The following ERI1 variants were observed in gnomAD, a reference collection of about 807,000 sequenced individuals.
ERI1 encodes the protein 3'-5' exoribonuclease 1.
In ERI1, 39 loss-of-function variants were observed where a neutral mutation model predicts 39.7. The observed-to-expected ratio is 0.98, with a 90% CI of 0.76 to 1.28. The LOEUF (loss-of-function observed/expected upper bound fraction) is 1.28, where lower values mean the gene tolerates loss of function less well. Ranked by LOEUF, ERI1 falls within the 50% of genes most tolerant of loss-of-function variation. The probability of loss-of-function intolerance (pLI) is 0.00; values close to 1 mark genes in which losing one functional copy is unlikely to be tolerated. For missense variants in ERI1, 581 were observed against 416.9 expected (o/e 1.39, Z -3.43); for synonymous variants, 204 against 149.6 (o/e 1.36, Z -2.65).
At chr8:9,062,017 T>C (rs905248832) in intron 3 of ERI1, among the ~76,000 whole-genome samples, 1 of 152,036 alleles carries the variant, frequency 6.6e-6, no homozygotes, top group Non-Finnish European at 1.5e-5. Context: ...GGCAAAACAA[T>C]TTGGTTGATA....
chr8:9,080,311 C>T (rs1051312284), intron 3 of ERI1, among the ~76,000 whole-genome samples: 1 of 152,208 alleles, frequency 6.6e-6, no homozygotes, highest in Non-Finnish European at 1.5e-5. Context: ...AGTAGCCTGA[C>T]TAGATGTGCC....
chr8:9,093,821 C>T (rs1468496378), intron 3 of ERI1, among the ~76,000 whole-genome samples: 1 of 152,196 alleles, frequency 6.6e-6, no homozygotes, highest in African/African-American at 2.4e-5. Flanking sequence ...AGACGATCCA[C>T]TCGCCTCGGC....
chr8:9,023,697 A>C (rs922734433), intron 6 of ERI1, among the ~76,000 whole-genome samples: 6 of 123,266 alleles, frequency 4.9e-5, no homozygotes, highest in African/African-American at 1.3e-4. Flanking sequence ...CTAAGACCTA[A>C]ATAAAACTCT....
intron 3 of ERI1, among the ~76,000 whole-genome samples, chr8:9,045,012 C>T (rs933244307): frequency 1.3e-5 from 2 of 151,778 alleles, no homozygotes; most frequent in Admixed American, 6.6e-5. Context: ...CCGAGTCAGG[C>T]GGATCACGAG....
At chr8:9,019,489 C>T (rs1344820082) in intron 5 of ERI1, among the ~76,000 whole-genome samples, 4 of 152,160 alleles carry the variant, frequency 2.6e-5, no homozygotes. Context: ...ATACGCAGTT[C>T]TGGTAAAGTC....
intron 6 of ERI1, among the ~76,000 whole-genome samples, chr8:9,021,565 C>A (rs1293928382): frequency 6.6e-6 from 1 of 152,094 alleles, no homozygotes; most frequent in Non-Finnish European, 1.5e-5. Flanking sequence ...TTGCCGATTG[C>A]TATAAAGCAA....
At chr8:9,057,085 G>C (rs1029338179) in intron 3 of ERI1, among the ~76,000 whole-genome samples, 3 of 151,938 alleles carry the variant, frequency 2.0e-5, no homozygotes, top group Non-Finnish European at 2.9e-5. Context: ...TGCCTGCCTC[G>C]GCCTCCAAAA....
chr8:9,093,150 G>A (rs1799760548), intron 3 of ERI1, among the ~76,000 whole-genome samples: 1 of 152,206 alleles, frequency 6.6e-6, no homozygotes, highest in African/African-American at 2.4e-5. Context: ...AAACACAGCA[G>A]GGGTGACCAA....
intron 3 of ERI1, among the ~76,000 whole-genome samples, chr8:9,047,659 A>G (rs918824328): frequency 2.0e-5 from 3 of 151,878 alleles, no homozygotes; most frequent in East Asian, 1.9e-4. Flanking sequence ...TGATAGCACA[A>G]TTGCACTCCA....
intron 4 of ERI1, among the ~76,000 whole-genome samples, chr8:9,016,991 G>T (rs1291958980): frequency 6.6e-6 from 1 of 151,978 alleles, no homozygotes; most frequent in African/African-American, 2.4e-5. Flanking sequence ...CCAGAGATAA[G>T]TTTTAGAATG....
At chr8:9,019,214 C>T (rs755072264) in intron 5 of ERI1, among the ~76,000 whole-genome samples, 7 of 152,128 alleles carry the variant, frequency 4.6e-5, no homozygotes, top group Non-Finnish European at 8.8e-5. Flanking sequence ...AACTCCGATA[C>T]CTTAAGGCCA....
At chr8:9,083,439 C>A (rs1025130875) in intron 3 of ERI1, among the ~76,000 whole-genome samples, 1 of 152,018 alleles carries the variant, frequency 6.6e-6, no homozygotes, top group Admixed American at 6.6e-5. Flanking sequence ...GCTTTCGATG[C>A]CTTATAAACT....
At chr8:9,007,881 T>G (rs182185343) in intron 1 of ERI1, 89 bp from the exon 2 acceptor site, 1 of 1,492,504 alleles carries the variant, frequency 6.7e-7, no homozygotes, top group East Asian at 2.4e-5. Context: ...CTTCAGAAGT[T>G]TGAAAGTTTG....
chr8:9,022,620 G>A (rs1279083536), intron 6 of ERI1, among the ~76,000 whole-genome samples: 3 of 152,180 alleles, frequency 2.0e-5, no homozygotes, highest in African/African-American at 4.8e-5. Flanking sequence ...GGCTGGTCTC[G>A]AACTCCTGGA....
chr8:9,028,453 A>G (rs1052052314), intron 6 of ERI1, among the ~76,000 whole-genome samples: 1 of 152,180 alleles, frequency 6.6e-6, no homozygotes, highest in African/African-American at 2.4e-5. Flanking sequence ...GGTGTTTTAC[A>G]TCATTTGCTT....
At chr8:9,036,313 G>A (rs944800607), downstream of ERI1, among the ~76,000 whole-genome samples, 1 of 152,126 alleles carries the variant, frequency 6.6e-6, no homozygotes, top group Non-Finnish European at 1.5e-5. Context: ...AAACTTCATT[G>A]TTGTCTCATT....
rs1382358564 is a variant in ERI1, at chr8:9,093,509, A to G, written n.300-22839A>G. On this transcript the variant is annotated intron_variant and non_coding_transcript_variant, in intron 3 of 3. Transcript: ENST00000518663. ...GGAAGGGAAGACCTTGTCTCTAAAA[A>G]AAAAAAAAAAAAAGAAGAAGAAGAA... is the stretch of plus-strand genomic sequence containing the variant. Among the ~76,000 whole-genome samples the G allele has an allele frequency of 4.7e-5, 7 of 149,824 alleles. No homozygotes were observed. The South Asian group carries it at 1.5e-3, about 32-fold the overall frequency.
At chr8:9,015,510 C>T (rs1276840353) in intron 3 of ERI1, among the ~76,000 whole-genome samples, 2 of 151,842 alleles carry the variant, frequency 1.3e-5, no homozygotes, top group Non-Finnish European at 2.9e-5. Flanking sequence ...ACCATCGTGT[C>T]AGGAGATCGA....
intron 3 of ERI1, among the ~76,000 whole-genome samples, chr8:9,073,730 T>C (rs1229724853): frequency 6.6e-6 from 1 of 152,194 alleles, no homozygotes; most frequent in African/African-American, 2.4e-5. Context: ...GAAAGCCTCT[T>C]ATTTCTTAAA....
Sources: gnomAD v4.1 joint callset for allele counts (sites outside exome capture counted in the v4.1 genomes callset) on GRCh38, gnomAD v4.1.1 for gene constraint, MANE v1.5 for transcripts, NCBI Gene and HGNC (gene_info 2026-07-23, HGNC 2026-07-21) for gene names.